ROBO2: variants seen among roughly 807,000 people sequenced by gnomAD.
ROBO2 encodes roundabout homolog 2.
ROBO2 carries 53 observed loss-of-function variants against 160.8 expected under a neutral mutation model. The observed-to-expected ratio is 0.33, with a 90% CI of 0.26 to 0.41. The LOEUF is 0.41. Ranked by LOEUF, ROBO2 falls within the 10% of genes least tolerant of loss-of-function variation. ROBO2 has a pLI of 1.00. For synonymous variants in ROBO2, 664 were observed against 611.7 expected (o/e 1.09, Z -1.26); for missense variants, 1,577 against 1,722.4 (o/e 0.92, Z 1.49).
At chr3:76,799,151 C>T (rs922560791) in intron 2 of ROBO2, among the ~76,000 whole-genome samples, 7 of 151,618 alleles carry the variant, frequency 4.6e-5, no homozygotes, top group Non-Finnish European at 7.4e-5. Flanking sequence ...GAGACGGAGG[C>T]TGCGGTGAGC....
intron 2 of ROBO2, among the ~76,000 whole-genome samples, chr3:76,176,455 A>T (rs752886899): frequency 2.0e-5 from 3 of 152,188 alleles, no homozygotes; most frequent in Non-Finnish European, 4.4e-5. Flanking sequence ...GTAGCACATG[A>T]TAAACTTCTA....
chr3:77,302,565 C>A (rs188734523), intron 2 of ROBO2, among the ~76,000 whole-genome samples: 32 of 152,208 alleles, frequency 2.1e-4, no homozygotes, highest in Non-Finnish European at 4.0e-4. Flanking sequence ...GCTAGAAATT[C>A]TTAAAGGTTA....
chr3:77,000,542 CA>C (rs1193790103), intron 2 of ROBO2, among the ~76,000 whole-genome samples: 3 of 151,852 alleles, frequency 2.0e-5, no homozygotes, highest in Admixed American at 6.6e-5. Context: ...TACAAACACC[CA>C]TTAGAAACTT....
At chr3:77,526,728 G>A (rs2091199169) in intron 6 of ROBO2, among the ~76,000 whole-genome samples, 1 of 151,490 alleles carries the variant, frequency 6.6e-6, no homozygotes, top group Non-Finnish European at 1.5e-5. Flanking sequence ...GCAGCAGTTT[G>A]AAAGCCGTTC....
At chr3:77,034,600 T>C (rs539044937) in intron 2 of ROBO2, among the ~76,000 whole-genome samples, 3 of 151,902 alleles carry the variant, frequency 2.0e-5, no homozygotes, top group Non-Finnish European at 4.4e-5. Flanking sequence ...AAGCAATTTT[T>C]TTCTAATTTG....
At chr3:77,454,936 A>T (rs2081470587) in intron 2 of ROBO2, among the ~76,000 whole-genome samples, 1 of 152,296 alleles carries the variant, frequency 6.6e-6, no homozygotes, top group Non-Finnish European at 1.5e-5. Flanking sequence ...CCAGGCTGAG[A>T]CTGTAATTTA....
intron 2 of ROBO2, among the ~76,000 whole-genome samples, chr3:76,889,200 A>ATGAG (rs1172889010): frequency 1.3e-5 from 2 of 152,220 alleles, no homozygotes; most frequent in African/African-American, 4.8e-5. Context: ...GATCACTGAG[A>ATGAG]TGAGACTGAC....
chr3:76,150,361 AAC>A (rs201841155), intron 2 of ROBO2, among the ~76,000 whole-genome samples: 1,635 of 136,496 alleles, frequency 0.012, 38 homozygotes, highest in African/African-American at 0.048. Flanking sequence ...ATCTGTCTAA[AAC>A]ACACATCTGT....
intron 5 of ROBO2, among the ~76,000 whole-genome samples, chr3:77,518,917 A>G (rs2090310247): frequency 6.6e-6 from 1 of 151,478 alleles, no homozygotes; most frequent in Admixed American, 6.6e-5. Flanking sequence ...TACTTTCCGT[A>G]CTTACATGTT....
intron 1 of ROBO2, among the ~76,000 whole-genome samples, chr3:77,045,184 C>A (rs2064517881): frequency 6.6e-6 from 1 of 152,048 alleles, no homozygotes. Context: ...AAAATAAATA[C>A]CTATCAACTC....
intron 2 of ROBO2, among the ~76,000 whole-genome samples, chr3:77,350,429 C>T (rs2068199798): frequency 6.6e-6 from 1 of 152,118 alleles, no homozygotes; most frequent in Non-Finnish European, 1.5e-5. Context: ...TGAGTCTCTT[C>T]TGCACCTCCC....
chr3:77,034,586 G>T (rs1356456778), intron 2 of ROBO2, among the ~76,000 whole-genome samples: 4 of 151,864 alleles, frequency 2.6e-5, no homozygotes, highest in African/African-American at 9.7e-5. Flanking sequence ...TTGCAAGGGA[G>T]AATAAGCAAT....
intron 2 of ROBO2, among the ~76,000 whole-genome samples, chr3:76,713,735 T>A (rs1194168240): frequency 6.6e-6 from 1 of 152,170 alleles, no homozygotes; most frequent in African/African-American, 2.4e-5. Context: ...TAATTAGGCA[T>A]CTTTATTCAA....
Position 77,150,713 on chromosome 3 carries a change from A to C in ROBO2, c.388+52373A>C, listed in dbSNP as rs188297106. ...TTTCAAATTTGCCTACATGAATAAA[A>C]TATTGGAATGAGAAGCCTTTTTTTT... On this transcript the variant is annotated intron_variant, in intron 2 of 25. Transcript: ENST00000461745. Among the ~76,000 whole-genome samples the C allele has an allele frequency of 2.6e-5, 4 of 151,880 alleles. No individual in the cohort carries two copies. In the East Asian group the frequency reaches 7.8e-4, roughly 29 times the overall value.
At chr3:77,117,291 A>G (rs1186983837) in intron 2 of ROBO2, among the ~76,000 whole-genome samples, 1 of 152,228 alleles carries the variant, frequency 6.6e-6, no homozygotes, top group Non-Finnish European at 1.5e-5. Flanking sequence ...AGGCATTAAA[A>G]TAATGGTTTT....
At chr3:77,010,853 TCTCCCTCC>T (rs1162529987) in intron 2 of ROBO2, among the ~76,000 whole-genome samples, 1 of 93,502 alleles carries the variant, frequency 1.1e-5, no homozygotes, top group Non-Finnish European at 2.1e-5. Context: ...TCCCTCCCTC[TCTCCCTCC>T]CTCCCTACCT....
intron 2 of ROBO2, among the ~76,000 whole-genome samples, chr3:77,307,182 T>C (rs769402646): frequency 6.6e-6 from 1 of 152,220 alleles, no homozygotes; most frequent in Non-Finnish European, 1.5e-5. Context: ...CTGGCCTCGT[T>C]AATTTATGTT....
intron 2 of ROBO2, among the ~76,000 whole-genome samples, chr3:76,374,893 T>C (rs2076267375): frequency 1.3e-5 from 2 of 151,820 alleles, no homozygotes; most frequent in African/African-American, 4.8e-5. Flanking sequence ...GCATTCACCA[T>C]ACTTTTAGCA....
intron 2 of ROBO2, among the ~76,000 whole-genome samples, chr3:76,579,971 G>T (rs574378139): frequency 6.8e-4 from 103 of 152,190 alleles, no homozygotes; most frequent in African/African-American, 2.4e-3. Context: ...CTGGCAGCAA[G>T]TACTTTGATT....
Sources: allele counts gnomAD v4.1 joint callset (sites outside exome capture counted in the v4.1 genomes callset), GRCh38; gene constraint gnomAD v4.1.1; transcripts MANE v1.5; gene names NCBI Gene and HGNC (gene_info 2026-07-23, HGNC 2026-07-21).